The following SPAG17 variants were observed in gnomAD, a reference collection of about 807,000 sequenced individuals.
SPAG17 encodes the protein sperm-associated antigen 17.
Under a neutral mutation model 273.6 loss-of-function variants are expected in SPAG17, and 169 were observed. The observed-to-expected ratio is 0.62, with a 90% CI of 0.55 to 0.70. The LOEUF (loss-of-function observed/expected upper bound fraction) is 0.70. Ranked by LOEUF, SPAG17 falls within the 30% of genes least tolerant of loss-of-function variation. SPAG17 has a pLI of 0.00. For missense variants in SPAG17, 2,557 were observed against 2,627.8 expected (o/e 0.97, Z 0.59); for synonymous variants, 825 against 873.2 (o/e 0.94, Z 0.97).
intron 3 of SPAG17, among the ~76,000 whole-genome samples, chr1:118,121,290 T>C (rs912703971): frequency 6.6e-6 from 1 of 152,094 alleles, no homozygotes; most frequent in Non-Finnish European, 1.5e-5. Context: ...GCAAAAGAAA[T>C]CTGCTCTGGC....
chr1:118,016,204 A>G (rs1659962355), intron 28 of SPAG17, 22 bp from the exon 29 acceptor site: 1 of 1,560,616 alleles, frequency 6.4e-7, no homozygotes, highest in Admixed American at 1.7e-5. Flanking sequence ...AAGTAAAATC[A>G]AACAACAACA....
At chr1:117,999,996 T>C (rs1417286018) in intron 32 of SPAG17, among the ~76,000 whole-genome samples, 1 of 152,212 alleles carries the variant, frequency 6.6e-6, no homozygotes, top group Non-Finnish European at 1.5e-5. Context: ...GAATTAATTT[T>C]TGTCTAAGGT....
intron 4 of SPAG17, among the ~76,000 whole-genome samples, chr1:118,105,978 G>C (rs1558017257): frequency 6.6e-6 from 1 of 152,182 alleles, no homozygotes. Flanking sequence ...GGGAGTTACA[G>C]CCATGTGGTC....
At chr1:118,082,816 T>C (rs1449656676) in intron 13 of SPAG17, among the ~76,000 whole-genome samples, 1 of 152,144 alleles carries the variant, frequency 6.6e-6, no homozygotes, top group African/African-American at 2.4e-5. Flanking sequence ...GGGAGCAAGC[T>C]GTATGGATAT....
At chr1:117,983,366 T>C (rs898072684) in intron 42 of SPAG17, among the ~76,000 whole-genome samples, 1 of 152,214 alleles carries the variant, frequency 6.6e-6, no homozygotes, top group African/African-American at 2.4e-5. Context: ...CAAGGATCTA[T>C]GCACTTTGTG....
chr1:118,005,532 C>T lies in SPAG17; in HGVS notation c.4658G>A (p.Ser1553Asn), dbSNP rs751935591. ...TTGAAAAGGATAGTATATATTACTG[C>T]TTGACTCATGGCAGTACACAGCTGA... Reference protein sequence around the residue: ...DCSAVYCHESSSNIYYPFQKR... With the variant: ...DCSAVYCHESNSNIYYPFQKR... Residue 1553 changes from serine (S) to asparagine (N), a missense_variant, in exon 32 of 49, where the codon AGC becomes AAC. By Grantham distance (46) the Ser-to-Asn change is conservative. Transcript: ENST00000336338. 3.1e-6 allele frequency: 5 copies of T among 1,611,470 alleles called. No individual in the cohort carries two copies. Among genetic ancestry groups the T allele is most frequent in the East Asian group, 4.5e-5 (2 of 44,790 alleles).
intron 3 of SPAG17, among the ~76,000 whole-genome samples, chr1:118,123,499 T>C (rs1469941621): frequency 2.0e-5 from 3 of 152,198 alleles, no homozygotes; most frequent in Admixed American, 6.5e-5. Flanking sequence ...ACTGAAGATA[T>C]AGGTTCCATA....
Position 117,963,785 on chromosome 1 carries a change from A to T in SPAG17, c.*14T>A. 2 of 1,597,554 alleles carry T rather than the reference A, an allele frequency of 1.3e-6. No individual in the cohort carries two copies. The highest frequency in any genetic ancestry group is 1.7e-6 in the Non-Finnish European group (2 of 1,170,904). ...ATGCTTGACAATCAAATTCCCATTT[A>T]TTACTTACTGTACCTAATGTGGAGA... On this transcript the variant is annotated intron_variant, in intron 48 of 48. Coordinates refer to ENST00000336338, the MANE Select transcript of SPAG17 (RefSeq NM_206996.4).
chr1:117,983,738 C>T, intron 42 of SPAG17, 73 bp downstream of exon 42: 3 of 986,204 alleles, frequency 3.0e-6, no homozygotes, highest in Non-Finnish European at 4.6e-6. Context: ...CTGGTTATGT[C>T]CTAAGAGGCC....
At chr1:118,169,855 C>T (rs1420696779) in intron 1 of SPAG17, among the ~76,000 whole-genome samples, 2 of 151,928 alleles carry the variant, frequency 1.3e-5, no homozygotes, top group Non-Finnish European at 2.9e-5. Context: ...CACAACTCAG[C>T]TATTGTCACT....
At chr1:118,083,200 C>T (rs1043793608) in intron 13 of SPAG17, among the ~76,000 whole-genome samples, 3 of 152,086 alleles carry the variant, frequency 2.0e-5, no homozygotes, top group Non-Finnish European at 2.9e-5. Flanking sequence ...AAGTGATCCA[C>T]CCGTCTCGGC....
intron 3 of SPAG17, among the ~76,000 whole-genome samples, chr1:118,148,473 A>G (rs1659188760): frequency 6.6e-6 from 1 of 152,206 alleles, no homozygotes; most frequent in Non-Finnish European, 1.5e-5. Context: ...TGATTGGTCC[A>G]CTTTACAGAG....
At chr1:118,018,635 C>T (rs1292107620) in intron 28 of SPAG17, among the ~76,000 whole-genome samples, 1 of 150,278 alleles carries the variant, frequency 6.7e-6, no homozygotes, top group Non-Finnish European at 1.5e-5. Context: ...GAGTTTGAGA[C>T]TAGCCTGGCC....
At chr1:118,127,715 C>G (rs1244716765) in intron 3 of SPAG17, among the ~76,000 whole-genome samples, 1 of 152,208 alleles carries the variant, frequency 6.6e-6, no homozygotes, top group Non-Finnish European at 1.5e-5. Flanking sequence ...TGACAAGATT[C>G]ATTCTTCCAA....
At chr1:118,089,263 G>C (rs1411300106) in intron 10 of SPAG17, among the ~76,000 whole-genome samples, 1 of 150,800 alleles carries the variant, frequency 6.6e-6, no homozygotes, top group Non-Finnish European at 1.5e-5. Flanking sequence ...GGCAGAGAAG[G>C]TAGAGTAAAA....
At chr1:117,985,983 G>A (rs1485626132) in intron 40 of SPAG17, among the ~76,000 whole-genome samples, 4 of 152,104 alleles carry the variant, frequency 2.6e-5, no homozygotes, top group African/African-American at 9.7e-5. Context: ...TTAGATATTT[G>A]GCAGTCCAAT....
chr1:118,087,646 T>A (rs1331471657), intron 10 of SPAG17, among the ~76,000 whole-genome samples: 3 of 152,226 alleles, frequency 2.0e-5, no homozygotes, highest in Non-Finnish European at 2.9e-5. Flanking sequence ...GTGGGGAAAG[T>A]GAGGTCTAGA....
At chr1:118,015,667 T>C (rs970302825) in intron 29 of SPAG17, among the ~76,000 whole-genome samples, 6 of 152,148 alleles carry the variant, frequency 3.9e-5, no homozygotes, top group Non-Finnish European at 8.8e-5. Context: ...ATCTTAAAAA[T>C]GGCATAGAGA....
chr1:117,982,155 ATTAG>A (rs1468001779), intron 42 of SPAG17, among the ~76,000 whole-genome samples: 1 of 151,964 alleles, frequency 6.6e-6, no homozygotes, highest in Non-Finnish European at 1.5e-5. Context: ...CTCTGTCATA[ATTAG>A]ATATTTCTAT....
Sources: gnomAD v4.1 joint callset for allele counts (sites outside exome capture counted in the v4.1 genomes callset) on GRCh38, gnomAD v4.1.1 for gene constraint, MANE v1.5 for transcripts, NCBI Gene and HGNC (gene_info 2026-07-23, HGNC 2026-07-21) for gene names.